NF1: variants seen among roughly 807,000 people sequenced by gnomAD.
NF1 encodes the protein neurofibromin.
A neutral mutation model predicts 325.7 loss-of-function variants in NF1; 122 were observed. That is an observed-to-expected ratio of 0.37 (90% CI 0.32 to 0.44). The LOEUF is 0.44. NF1 is among the 20% of genes least tolerant of loss of function. NF1 has a pLI of 1.00. For missense variants in NF1, 2,140 were observed against 3,415.4 expected (o/e 0.63, Z 9.31); for synonymous variants, 1,091 against 1,186.0 (o/e 0.92, Z 1.65).
chr17:31,107,735 C>T (rs984237443), intron 1 of NF1, among the ~76,000 whole-genome samples: 2 of 152,170 alleles, frequency 1.3e-5, no homozygotes. Flanking sequence ...CCTCACTATC[C>T]TAATTGTTTT....
rs913698099 is a variant in NF1, at chr17:31,358,423, TATTTTC to T, written c.7971-52_7971-47del. 3.9e-6 allele frequency: 6 copies of T among 1,532,050 alleles called. No individual in the cohort carries two copies. In the East Asian group the frequency reaches 1.4e-4, roughly 35 times the overall value. 94.9% of individuals were successfully genotyped at this position (1,532,050 alleles called of 1,614,324 possible). ...AATGTATATTATGTTTTCCACTACA[TATTTTC>T]ATTTAATTTTCCTCTAAAATGTTCC... is the stretch of plus-strand genomic sequence containing the variant. On this transcript the variant is annotated intron_variant, in intron 54 of 57. Transcript: ENST00000358273.
chr17:31,194,019 C>G (rs562188762), intron 8 of NF1, among the ~76,000 whole-genome samples: 2 of 152,224 alleles, frequency 1.3e-5, no homozygotes, highest in East Asian at 1.9e-4. Context: ...CCATGTGATC[C>G]AACAATTCAT....
chr17:31,336,596 G>GT lies in NF1; in HGVS notation c.6148-28dup, dbSNP rs398100472. On this transcript the variant is annotated intron_variant, in intron 41 of 57. Coordinates refer to ENST00000358273, the MANE Select transcript of NF1 (RefSeq NM_001042492.3). The surrounding 1 kb of genome is among the most constrained non-coding windows in gnomAD (Gnocchi z 5.5). ...TTTGTGCTAAAACTTTGAGTCCCAT[G>GT]TTTTTTTTTTTAAAAAAAAAAATCC... 7.4e-3 allele frequency: 8,654 copies of GT among 1,173,220 alleles called. 32 individuals are homozygous for GT. Among genetic ancestry groups the GT allele is most frequent in the African/African-American group, 0.052 (2,590 of 49,782 alleles). The allele number at this position is 1,173,220 out of a possible 1,614,324, so 72.7% of individuals were successfully genotyped here.
At chr17:31,182,424 G>A in intron 7 of NF1, 84 bp from the exon 8 acceptor site, 1 of 1,391,956 alleles carries the variant, frequency 7.2e-7, no homozygotes, top group Non-Finnish European at 1.0e-6. Flanking sequence ...TTGCCCTTGG[G>A]TTTTTACATA....
rs557831253 is a variant in NF1, at chr17:31,208,282, A to G, written c.1392+1911A>G. On this transcript the variant is annotated intron_variant, in intron 12 of 57. Coordinates refer to ENST00000358273, the MANE Select transcript of NF1 (RefSeq NM_001042492.3). ...TGTTTTTGAAATGTTATATGTATGT[A>G]TATTTGTACATAATGACTAAAGGAC... 2.6e-5 allele frequency among the ~76,000 whole-genome samples: 4 copies of G among 152,348 alleles called. No homozygotes were observed. The South Asian group carries it at 8.3e-4, about 32-fold the overall frequency.
Position 31,286,724 on chromosome 17 carries a change from T to TA in NF1, c.4835+21386dup, listed in dbSNP as rs1322848494. On this transcript the variant is annotated intron_variant, in intron 36 of 57. Transcript: ENST00000358273. The stretch of plus-strand genomic sequence containing the variant: ...GATGTGGTTGTATGCCAGTTACTCT[T>TA]ACACTACATAATATCTCAAATGTGA... Among the ~76,000 whole-genome samples, 127 of 152,342 alleles carry TA rather than the reference T, an allele frequency of 8.3e-4. 1 individual carries two copies. Among genetic ancestry groups the TA allele is most frequent in the Non-Finnish European group, 2.9e-4 (20 of 68,024 alleles).
chr17:31,167,533 T>C (rs559125181), intron 4 of NF1, among the ~76,000 whole-genome samples: 1 of 152,318 alleles, frequency 6.6e-6, no homozygotes, highest in African/African-American at 2.4e-5. Context: ...GACCATATAG[T>C]ATTTGTGCCT....
At chr17:31,111,460 A>C (rs1471741847) in intron 1 of NF1, among the ~76,000 whole-genome samples, 1 of 152,176 alleles carries the variant, frequency 6.6e-6, no homozygotes, top group African/African-American at 2.4e-5. Flanking sequence ...ATCTTAATGG[A>C]ACTGTTGAAA....
At chr17:31,280,516 CAAAAAAAA>C (rs57193583) in intron 36 of NF1, among the ~76,000 whole-genome samples, 3 of 79,538 alleles carry the variant, frequency 3.8e-5, no homozygotes, top group African/African-American at 8.5e-5. Flanking sequence ...GACTCTGTCT[CAAAAAAAA>C]AAAAAAAAAA....
intron 3 of NF1, among the ~76,000 whole-genome samples, chr17:31,161,515 A>G (rs559875803): frequency 6.6e-5 from 10 of 152,342 alleles, no homozygotes; most frequent in African/African-American, 2.4e-4. Flanking sequence ...GTAATGTGGA[A>G]CAGCATACCT....
chr17:31,288,324 A>G (rs1369861042), intron 36 of NF1, among the ~76,000 whole-genome samples: 1 of 151,998 alleles, frequency 6.6e-6, no homozygotes, highest in East Asian at 1.9e-4. Flanking sequence ...ACTTTGCACC[A>G]CAGTTTTCTA....
At chr17:31,181,347 AAAGTT>A in intron 5 of NF1, 70 bp from the exon 6 acceptor site, 3 of 1,349,954 alleles carry the variant, frequency 2.2e-6, no homozygotes. Context: ...ACGTAAATGG[AAAGTT>A]ATTTTGCTCT....
intron 12 of NF1, 112 bp from the exon 13 acceptor site, chr17:31,214,339 G>A (rs906064385): frequency 1.6e-5 from 12 of 743,286 alleles, no homozygotes; most frequent in Middle Eastern, 7.8e-4. Flanking sequence ...ACATTTGGTA[G>A]TATAAAAAAT....
At position 31,304,420 on chromosome 17, in the gene NF1, G is replaced by A. The variant is rs372388394; in HGVS notation, c.4836-21400G>A. 30 of 1,613,980 alleles carry A rather than the reference G, an allele frequency of 1.9e-5. No individual in the cohort carries two copies. Among genetic ancestry groups the A allele is most frequent in the Middle Eastern group, 3.3e-4 (2 of 6,084 alleles). ...CAGGGGCAAGTTAAGTGAGTCAAGC[G>A]GTGGAAATGATTGTATTATCTCAGA... On this transcript the variant is annotated intron_variant, in intron 36 of 57. Coordinates refer to ENST00000358273, the MANE Select transcript of NF1 (RefSeq NM_001042492.3).
At chr17:31,152,471 G>T in intron 1 of NF1, among the ~76,000 whole-genome samples, 3 of 141,748 alleles carry the variant, frequency 2.1e-5, no homozygotes, top group Admixed American at 7.1e-5. Context: ...ATCTTTTTTT[G>T]TCACTTTATT....
intron 1 of NF1, among the ~76,000 whole-genome samples, chr17:31,096,010 A>C (rs1473086229): frequency 6.6e-6 from 1 of 151,270 alleles, no homozygotes; most frequent in African/African-American, 2.4e-5. Context: ...CATCTTTGTG[A>C]TGCCCTACAA....
intron 5 of NF1, among the ~76,000 whole-genome samples, chr17:31,173,549 G>C (rs1172609216): frequency 6.6e-6 from 1 of 150,518 alleles, no homozygotes; most frequent in Non-Finnish European, 1.5e-5. Context: ...AGTGAGCCGA[G>C]ATCACGCCAT....
At chr17:31,354,299 A>G (rs1221984239) in intron 51 of NF1, among the ~76,000 whole-genome samples, 3 of 152,226 alleles carry the variant, frequency 2.0e-5, no homozygotes, top group African/African-American at 7.2e-5. Flanking sequence ...TGTGTCATAA[A>G]GATTTAATAT....
chr17:31,222,953 C>A (rs1268886417), intron 15 of NF1, among the ~76,000 whole-genome samples: 1 of 152,176 alleles, frequency 6.6e-6, no homozygotes, highest in Non-Finnish European at 1.5e-5. Flanking sequence ...TAGTTTCTGT[C>A]ATAACCATTC....
Sources: allele counts gnomAD v4.1 joint callset (sites outside exome capture counted in the v4.1 genomes callset), GRCh38; gene constraint gnomAD v4.1.1; non-coding constraint Gnocchi (gnomAD v3.1); transcripts MANE v1.5; gene names NCBI Gene and HGNC (gene_info 2026-07-23, HGNC 2026-07-21).